The following PRKAB1 variants were observed in gnomAD, a reference collection of about 807,000 sequenced individuals.
PRKAB1 encodes the protein 5'-AMP-activated protein kinase subunit beta-1.
In PRKAB1, 18 loss-of-function variants were observed where a neutral mutation model predicts 32.0. The observed-to-expected ratio is 0.56, with a 90% CI of 0.39 to 0.83. PRKAB1 has a LOEUF of 0.83. Ranked by LOEUF, PRKAB1 falls within the 40% of genes least tolerant of loss-of-function variation. The pLI, the probability that PRKAB1 is intolerant of heterozygous loss-of-function variation, is 0.00. For synonymous variants in PRKAB1, 141 were observed against 141.4 expected, an observed-to-expected ratio of 1.00 and a Z score of 0.02; for missense variants, 263 against 352.6, an observed-to-expected ratio of 0.75 and a Z score of 2.03.
At chr12:119,677,680 G>GACACTGCTTCCCTTAGCTCTAACTTT (rs1955435065) in intron 5 of PRKAB1, 1 of 151,814 alleles carries the variant, frequency 6.6e-6, no homozygotes. Flanking sequence ...GCACTTAGTT[G>GACACTGCTTCCCTTAGCTCTAACTTT]ACACTGCTTC....
chr12:119,679,926 C>T lies in PRKAB1; in HGVS notation c.667-7C>T, dbSNP rs751126229. The T allele has an allele frequency of 8.1e-6, 13 of 1,613,810 alleles. No homozygotes were observed. The East Asian group carries it at 2.2e-4, about 28-fold the overall frequency. On this transcript the variant is annotated splice_polypyrimidine_tract_variant and splice_region_variant and intron_variant, in intron 5 of 6. Transcript: ENST00000229328. This position sits in a 1 kb window ranked among gnomAD's most constrained non-coding sequence, Gnocchi z 4.1. ...AAATGCTCACCGCTGCCTTTGTTCC[C>T]TCACAGTGTGATCCAGCTTTGCTTC... is the stretch of plus-strand genomic sequence containing the variant.
At chr12:119,675,512 T>C (rs998306699) in intron 4 of PRKAB1, among the ~76,000 whole-genome samples, 2 of 152,210 alleles carry the variant, frequency 1.3e-5, no homozygotes, top group African/African-American at 4.8e-5. Context: ...CCAAAATATA[T>C]AACTTACTGA....
intron 6 of PRKAB1, 99 bp from the exon 7 acceptor site, chr12:119,680,149 C>A (rs779237517): frequency 6.7e-7 from 1 of 1,492,786 alleles, no homozygotes; most frequent in Non-Finnish European, 9.3e-7. Flanking sequence ...GAAGCTGGCC[C>A]GGGAATTTGT....
intron 4 of PRKAB1, among the ~76,000 whole-genome samples, chr12:119,675,130 C>T (rs999923728): frequency 2.6e-5 from 4 of 152,210 alleles, no homozygotes; most frequent in African/African-American, 9.6e-5. Context: ...AAGAGGGTTG[C>T]GATCTAAAGT....
At chr12:119,680,040 AGT>A in intron 6 of PRKAB1, 39 bp downstream of exon 6, 5 of 1,592,840 alleles carry the variant, frequency 3.1e-6, no homozygotes, top group Non-Finnish European at 4.3e-6. Flanking sequence ...TGTGTTGCCC[AGT>A]GTGTGCTCTG....
intron 4 of PRKAB1, among the ~76,000 whole-genome samples, chr12:119,675,191 G>A (rs1439285882): frequency 6.6e-6 from 1 of 152,238 alleles, no homozygotes; most frequent in Non-Finnish European, 1.5e-5. Flanking sequence ...TCTGAGGGAG[G>A]CAGTGGAAAG....
chr12:119,677,901 A>G (rs1313231786), intron 5 of PRKAB1: 2 of 150,674 alleles, frequency 1.3e-5, no homozygotes, highest in Non-Finnish European at 2.9e-5. Flanking sequence ...AGTAGCTGGG[A>G]CTACAGGCCC....
chr12:119,672,797 G>A (rs1302865783), intron 2 of PRKAB1, among the ~76,000 whole-genome samples: 2 of 152,204 alleles, frequency 1.3e-5, no homozygotes, highest in Non-Finnish European at 2.9e-5. Flanking sequence ...CCACATTTGA[G>A]CCCACATTGG....
chr12:119,674,454 G>A lies in PRKAB1; in HGVS notation c.532G>A (p.Glu178Lys). 1 of 1,599,952 alleles carries A rather than the reference G, an allele frequency of 6.3e-7. No homozygotes were observed. The highest frequency in any genetic ancestry group is 1.3e-5 in the African/African-American group (1 of 74,784). Residue 178 changes from glutamate (E) to lysine (K), a missense_variant and splice_region_variant, in exon 4 of 7, where the codon GAG (glutamate) becomes AAG (lysine). By Grantham distance (56) the Glu-to-Lys change is moderately conservative (BLOSUM62 1). Transcript: ENST00000229328. This position sits in a 1 kb window ranked among gnomAD's most constrained non-coding sequence, Gnocchi z 4.3. ...VDSQKCSDVS[E>K]LSSSPPGPYH... is the part of the protein sequence containing the mutation. ...TTCCCAAAAGTGCTCCGATGTGTCT[G>A]GTATGAACACAGTTATTTTATACCA...
rs113692422 is a variant in PRKAB1, at chr12:119,669,574, A to ATT, written c.159+1182_159+1183dup. The ATT allele has an allele frequency of 3.9e-3, 508 of 130,728 alleles. 1 individual carries two copies. Among genetic ancestry groups the ATT allele is most frequent in the African/African-American group, 0.013 (465 of 34,616 alleles). 8.1% of individuals were successfully genotyped at this position (130,728 alleles called of 1,614,324 possible). On this transcript the variant is annotated intron_variant, in intron 1 of 6. Transcript: ENST00000229328. ...GTGAGCCACTGAACCCACCCTACTT[A>ATT]TTTTTTTTTTTTCCTTCTTTGAGAT...
chr12:119,673,297 A>G (rs1318418487), intron 2 of PRKAB1, among the ~76,000 whole-genome samples: 1 of 152,248 alleles, frequency 6.6e-6, no homozygotes, highest in African/African-American at 2.4e-5. Context: ...ACATTTTATC[A>G]GGAACCCCAG....
chr12:119,669,115 T>C (rs1475455508), intron 1 of PRKAB1, among the ~76,000 whole-genome samples: 1 of 131,918 alleles, frequency 7.6e-6, no homozygotes, highest in Non-Finnish European at 1.7e-5. Context: ...AGACTTCGTC[T>C]CAAAAAAAAA....
rs1484910309 is a variant in PRKAB1 at position 119,672,335 on chromosome 12, A to G, written c.194A>G (p.His65Arg). ...PEKEEFLAWQ[H>R]DLEVNDKAPA... ...AAGGAGGAATTCCTGGCCTGGCAGC[A>G]TGATCTGGAAGTGAATGATAAAGCT... The change falls in exon 2 of 7, where the codon CAT becomes CGT. Residue 65 changes from histidine (H) to arginine (R), a missense_variant. His to Arg is a conservative substitution (Grantham distance 29). Transcript: ENST00000229328. The G allele has an allele frequency of 1.2e-6, 2 of 1,610,838 alleles. No homozygotes were observed. Among genetic ancestry groups the G allele is most frequent in the African/African-American group, 1.3e-5 (1 of 74,852 alleles).
chr12:119,678,623 GT>G (rs1444117509), intron 5 of PRKAB1: 2 of 152,242 alleles, frequency 1.3e-5, no homozygotes, highest in Non-Finnish European at 2.9e-5. Context: ...CATGGGATTT[GT>G]CTTTCTGTGC....
chr12:119,676,153 A>C (rs1955422438), intron 4 of PRKAB1, among the ~76,000 whole-genome samples: 1 of 151,986 alleles, frequency 6.6e-6, no homozygotes, highest in Non-Finnish European at 1.5e-5. Flanking sequence ...GGACTTAGCT[A>C]CTCAATCCTC....
At position 119,672,365 on chromosome 12, in the gene PRKAB1, C is replaced by T. The variant is rs1955394307; in HGVS notation, c.224C>T (p.Ala75Val). The change falls in exon 2 of 7, where the codon GCC becomes GTC. Residue 75 changes from alanine (A) to valine (V), a missense_variant. Coordinates refer to ENST00000229328, the MANE Select transcript of PRKAB1 (RefSeq NM_006253.5). ...HDLEVNDKAP[A>V]QARPTVFRWT... ...CTGGAAGTGAATGATAAAGCTCCCG[C>T]CCAGGCTCGGCCAACGGTGTTTCGA... The T allele has an allele frequency of 6.2e-7, 1 of 1,613,142 alleles. No individual in the cohort carries two copies. The highest frequency in any genetic ancestry group is 8.5e-7 in the Non-Finnish European group (1 of 1,179,644).
At chr12:119,675,539 C>G (rs1955418061) in intron 4 of PRKAB1, among the ~76,000 whole-genome samples, 1 of 152,170 alleles carries the variant, frequency 6.6e-6, no homozygotes, top group Admixed American at 6.5e-5. Context: ...TAATTTTAAG[C>G]CACTTACAAG....
Position 119,680,299 on chromosome 12 carries a change from A to C in PRKAB1, c.787A>C (p.Thr263Pro), listed in dbSNP as rs539558322. The C allele has an allele frequency of 1.1e-5, 17 of 1,614,006 alleles. No individual in the cohort carries two copies. The highest frequency in any genetic ancestry group is 1.4e-5 in the Non-Finnish European group (17 of 1,180,008). ...ATHRYKKKYV[T>P]TLLYKPI ...CCACCGGTACAAGAAGAAGTACGTC[A>C]CCACCTTGTTATACAAGCCCATATG... Residue 263 changes from threonine to proline, a missense_variant, in exon 7 of 7, where the codon ACC (threonine) becomes CCC (proline). Thr to Pro is a conservative substitution (Grantham distance 38, BLOSUM62 -1). Transcript: ENST00000229328.
At position 119,679,835 on chromosome 12, in the gene PRKAB1, G is replaced by C; in HGVS notation, c.667-98G>C. ...TTTGGGAAGAGAGGTCGGCCTGAGC[G>C]CTGCCTCCTGTCCTTTGATATCTGG... On this transcript the variant is annotated intron_variant, in intron 5 of 6. Coordinates refer to ENST00000229328, the MANE Select transcript of PRKAB1 (RefSeq NM_006253.5). This position sits in a 1 kb window ranked among gnomAD's most constrained non-coding sequence, Gnocchi z 4.1. 1.5e-6 allele frequency: 2 copies of C among 1,320,098 alleles called. No homozygotes were observed. Among genetic ancestry groups the C allele is most frequent in the South Asian group, 2.4e-5 (2 of 84,270 alleles). The allele number at this position is 1,320,098 out of a possible 1,614,324, so 81.8% of individuals were successfully genotyped here.
Sources: allele counts gnomAD v4.1 joint callset (sites outside exome capture counted in the v4.1 genomes callset), GRCh38; gene constraint gnomAD v4.1.1; non-coding constraint Gnocchi (gnomAD v3.1); transcripts MANE v1.5; gene names NCBI Gene and HGNC (gene_info 2026-07-23, HGNC 2026-07-21).